WNT3A: variants seen among roughly 807,000 people sequenced by gnomAD.
The protein encoded by WNT3A is Wnt family member 3A.
A neutral mutation model predicts 37.0 loss-of-function variants in WNT3A; 17 were observed. The ratio of observed to expected loss-of-function variants is 0.46; its 90% CI spans 0.31 to 0.69. WNT3A has a LOEUF of 0.69. Among genes scored for constraint, WNT3A ranks in the 30% least tolerant of loss-of-function variants. WNT3A has a pLI of 0.05. For missense variants in WNT3A, 411 were observed against 510.2 expected (o/e 0.81, Z 1.87); for synonymous variants, 187 against 211.0 (o/e 0.89, Z 0.99).
chr1:228,007,685 G>A lies in WNT3A; in HGVS notation c.71+486G>A, dbSNP rs1325007856. Among the ~76,000 whole-genome samples, 1 of 152,172 alleles carries A rather than the reference G, an allele frequency of 6.6e-6. No homozygotes were observed. The highest frequency in any genetic ancestry group is 1.9e-4 in the East Asian group (1 of 5,160). On this transcript the variant is annotated intron_variant, in intron 1 of 3. Coordinates refer to ENST00000284523, the MANE Select transcript of WNT3A (RefSeq NM_033131.4). This position sits in a 1 kb window ranked among gnomAD's most constrained non-coding sequence, Gnocchi z 6.0. The stretch of plus-strand genomic sequence containing the variant: ...ACAAGACTGAACAGCTCGGAGCAGC[G>A]TGGTTACGTAAAGAAAGCTGGGACC...
At chr1:228,051,551 G>A (rs1384841632) in intron 3 of WNT3A, among the ~76,000 whole-genome samples, 1 of 152,164 alleles carries the variant, frequency 6.6e-6, no homozygotes, top group African/African-American at 2.4e-5. Context: ...AGACTGGGAA[G>A]TCCAAGGTCA....
In WNT3A at chr1:228,046,537, G is replaced by GGT. The variant is rs143812658; in HGVS notation, c.314-4108_314-4107dup. ...ATTCATGTATGTGTATGTGTTGTGT[G>GGT]GTGTGTGTGTGTATTTGTGTGTGTG... On this transcript the variant is annotated intron_variant, in intron 2 of 3. Coordinates refer to ENST00000284523, the MANE Select transcript of WNT3A (RefSeq NM_033131.4). Among the ~76,000 whole-genome samples, 573 of 150,498 alleles carry GGT rather than the reference G, an allele frequency of 3.8e-3. 11 individuals are homozygous for GGT. Among genetic ancestry groups the GGT allele is most frequent in the East Asian group, 0.03 (153 of 5,050 alleles).
At position 228,060,550 on chromosome 1, in the gene WNT3A, C is replaced by G. The variant is rs1249468506; in HGVS notation, c.*1085C>G. The G allele has an allele frequency of 1.5e-5, 4 of 266,586 alleles. No homozygotes were observed. The highest frequency in any genetic ancestry group is 6.7e-5 in the African/African-American group (3 of 44,752). 16.5% of individuals were successfully genotyped at this position (266,586 alleles called of 1,614,324 possible). On this transcript the variant is annotated 3_prime_UTR_variant, in exon 4 of 4. Transcript: ENST00000284523. ...GCAGAGGCAAGCGACCGAGGCCCTC[C>G]CAAAGAGGCCCGCCCTGCCCGGGCT...
intron 1 of WNT3A, among the ~76,000 whole-genome samples, chr1:228,018,109 C>A (rs1261078166): frequency 6.6e-6 from 1 of 152,150 alleles, no homozygotes. Context: ...TGAGAACTTG[C>A]GCTGAGAACA....
intron 1 of WNT3A, among the ~76,000 whole-genome samples, chr1:228,014,782 C>T (rs560804655): frequency 1.3e-5 from 2 of 152,382 alleles, no homozygotes; most frequent in South Asian, 4.1e-4. Context: ...CTGCATGTCA[C>T]AGCCAGCATC....
intron 3 of WNT3A, among the ~76,000 whole-genome samples, chr1:228,057,119 A>G (rs2031698005): frequency 6.6e-6 from 1 of 152,274 alleles, no homozygotes; most frequent in African/African-American, 2.4e-5. Context: ...AGTTACAGGT[A>G]CATGGATAAC....
rs866533493 is a variant in WNT3A at position 228,031,159 on chromosome 1, C to T, written c.313+8251C>T. Among the ~76,000 whole-genome samples the T allele has an allele frequency of 2.6e-5, 4 of 152,142 alleles. No individual in the cohort carries two copies. Among genetic ancestry groups the T allele is most frequent in the African/African-American group, 7.2e-5 (3 of 41,434 alleles). The stretch of plus-strand genomic sequence containing the variant: ...CACCGTGGGGCAGAGAGTGGGGACC[C>T]GAGGGTCAGGCTCAGAGTCCGGGCA... On this transcript the variant is annotated intron_variant, in intron 2 of 3. Coordinates refer to ENST00000284523, the MANE Select transcript of WNT3A (RefSeq NM_033131.4). The surrounding 1 kb of genome is among the most constrained non-coding windows in gnomAD (Gnocchi z 4.8).
At chr1:228,030,015 G>A (rs1203143951) in intron 2 of WNT3A, among the ~76,000 whole-genome samples, 1 of 152,166 alleles carries the variant, frequency 6.6e-6, no homozygotes, top group Non-Finnish European at 1.5e-5. Context: ...TTGAGTCCAG[G>A]TTGAGGCTAC....
intron 2 of WNT3A, among the ~76,000 whole-genome samples, chr1:228,048,353 C>T (rs1402531789): frequency 6.6e-6 from 1 of 152,222 alleles, no homozygotes; most frequent in Non-Finnish European, 1.5e-5. Flanking sequence ...CCAGGGCACA[C>T]CTAGCCCCCA....
chr1:228,037,055 A>G lies in WNT3A; in HGVS notation c.314-13601A>G, dbSNP rs2102771838. 6.6e-6 allele frequency among the ~76,000 whole-genome samples: 1 copy of G among 151,994 alleles called. No individual in the cohort carries two copies. The highest frequency in any genetic ancestry group is 6.5e-5 in the Admixed American group (1 of 15,276). On this transcript the variant is annotated intron_variant, in intron 2 of 3. Transcript: ENST00000284523. The surrounding 1 kb of genome is among the most constrained non-coding windows in gnomAD (Gnocchi z 4.1). ...GGCACCTGCCAGATAGGTCGGGGGG[A>G]GTGGAGTGGCATGGGGAGGTATGCA... is the stretch of plus-strand genomic sequence containing the variant.
chr1:228,040,993 AT>A lies in WNT3A; in HGVS notation c.314-9662del, dbSNP rs1231126478. Among the ~76,000 whole-genome samples the A allele has an allele frequency of 5.9e-3, 848 of 144,812 alleles. 5 individuals are homozygous for A. Among genetic ancestry groups the A allele is most frequent in the African/African-American group, 0.02 (783 of 38,910 alleles). On this transcript the variant is annotated intron_variant, in intron 2 of 3. Coordinates refer to ENST00000284523, the MANE Select transcript of WNT3A (RefSeq NM_033131.4). ...ATTTTATATATATATATATATATAT[AT>A]AATATCTACTACATATCTATATCTA...
At chr1:228,033,853 ATCTTGCACT>A (rs1460293035) in intron 2 of WNT3A, among the ~76,000 whole-genome samples, 1 of 152,186 alleles carries the variant, frequency 6.6e-6, no homozygotes, top group Non-Finnish European at 1.5e-5. Context: ...CAGCATACAA[ATCTTGCACT>A]TATTTTGTTA....
At chr1:228,034,460 C>T (rs1571803999) in intron 2 of WNT3A, among the ~76,000 whole-genome samples, 1 of 152,012 alleles carries the variant, frequency 6.6e-6, no homozygotes, top group South Asian at 2.1e-4. Flanking sequence ...ATTTTTCTTC[C>T]TTAATTGCCC....
intron 3 of WNT3A, among the ~76,000 whole-genome samples, chr1:228,051,290 T>C (rs2031548887): frequency 6.6e-6 from 1 of 151,806 alleles, no homozygotes; most frequent in Non-Finnish European, 1.5e-5. Context: ...CAAGGACAGC[T>C]GGCAGTAATT....
intron 2 of WNT3A, among the ~76,000 whole-genome samples, chr1:228,048,273 G>T (rs1222399173): frequency 6.6e-6 from 1 of 152,192 alleles, no homozygotes; most frequent in Non-Finnish European, 1.5e-5. Context: ...GAGAGAGAAG[G>T]TCAGAGCCAA....
intron 2 of WNT3A, among the ~76,000 whole-genome samples, chr1:228,025,065 G>C (rs951188006): frequency 6.6e-6 from 1 of 152,122 alleles, no homozygotes; most frequent in Non-Finnish European, 1.5e-5. Flanking sequence ...TTTGAAACTG[G>C]GAAGAGTAAG....
In WNT3A at chr1:228,007,208, G is replaced by A; in HGVS notation, c.71+9G>A. 6.3e-7 allele frequency: 1 copy of A among 1,599,446 alleles called. No homozygotes were observed. The highest frequency in any genetic ancestry group is 1.4e-5 in the African/African-American group (1 of 73,780). On this transcript the variant is annotated intron_variant, in intron 1 of 3. Transcript: ENST00000284523. The surrounding 1 kb of genome is among the most constrained non-coding windows in gnomAD (Gnocchi z 6.0). The stretch of plus-strand genomic sequence containing the variant: ...AGCTACCCGATCTGGTGGTGAGTGA[G>A]CCTCCTCGCGTTCGCCCCTGCCCCT...
intron 2 of WNT3A, among the ~76,000 whole-genome samples, chr1:228,036,022 G>A (rs1390527956): frequency 1.3e-5 from 2 of 152,188 alleles, no homozygotes; most frequent in Non-Finnish European, 2.9e-5. Flanking sequence ...TGGCCTGGGA[G>A]GAAGGAGCCC....
intron 2 of WNT3A, among the ~76,000 whole-genome samples, chr1:228,024,610 G>A (rs2030809683): frequency 1.3e-5 from 2 of 152,222 alleles, no homozygotes; most frequent in Middle Eastern, 3.4e-3. Flanking sequence ...CTCTCATCGT[G>A]TAGGTTTTTT....
Sources: allele counts gnomAD v4.1 joint callset (sites outside exome capture counted in the v4.1 genomes callset), GRCh38; gene constraint gnomAD v4.1.1; non-coding constraint Gnocchi (gnomAD v3.1); transcripts MANE v1.5; gene names NCBI Gene and HGNC (gene_info 2026-07-23, HGNC 2026-07-21).